The following IFNG-AS1 variants were observed in gnomAD, a reference collection of about 807,000 sequenced individuals.
IFNG-AS1 encodes IFNG antisense RNA 1 (non-protein coding).
At chr12:68,018,111 C>CCAGT (rs1257958224) in intron 3 of IFNG-AS1, among the ~76,000 whole-genome samples, 4 of 152,172 alleles carry the variant, frequency 2.6e-5, no homozygotes, top group African/African-American at 9.6e-5. Flanking sequence ...CCCATCCAAG[C>CCAGT]CAGTCATCTG....
At chr12:68,003,704 G>A (rs570623282) in intron 2 of IFNG-AS1, among the ~76,000 whole-genome samples, 1 of 152,238 alleles carries the variant, frequency 6.6e-6, no homozygotes, top group South Asian at 2.1e-4. Context: ...CACGAGGTCA[G>A]GAGATCGAGA....
chr12:68,020,993 C>G (rs561141212), intron 4 of IFNG-AS1: 1 of 152,282 alleles, frequency 6.6e-6, no homozygotes, highest in African/African-American at 2.4e-5. Flanking sequence ...GTTGTGCACA[C>G]TGGCAATTTT....
intron 1 of IFNG-AS1, among the ~76,000 whole-genome samples, chr12:67,995,348 G>A (rs1050998416): frequency 1.4e-5 from 2 of 147,268 alleles, no homozygotes; most frequent in East Asian, 2.0e-4. Context: ...TTGAACCCAG[G>A]AAGCGGAGGC....
At chr12:68,018,842 G>A (rs759172490) in intron 3 of IFNG-AS1, among the ~76,000 whole-genome samples, 14 of 151,166 alleles carry the variant, frequency 9.3e-5, no homozygotes, top group Non-Finnish European at 1.8e-4. Context: ...GACTTTGTGC[G>A]GAAGGTCCAA....
chr12:68,011,565 C>T (rs1434744950), intron 3 of IFNG-AS1, among the ~76,000 whole-genome samples: 2 of 152,190 alleles, frequency 1.3e-5, no homozygotes, highest in South Asian at 4.1e-4. Flanking sequence ...CCAGCAAATT[C>T]GAGCTCCCAA....
At chr12:67,993,265 C>T (rs1160765810) in intron 1 of IFNG-AS1, among the ~76,000 whole-genome samples, 1 of 152,164 alleles carries the variant, frequency 6.6e-6, no homozygotes, top group African/African-American at 2.4e-5. Context: ...TCATGATGTA[C>T]TTTCTTCTTT....
intron 1 of IFNG-AS1, among the ~76,000 whole-genome samples, chr12:67,991,903 A>G (rs182618148): frequency 2.0e-5 from 3 of 152,376 alleles, no homozygotes; most frequent in Admixed American, 1.3e-4. Flanking sequence ...TGAAATAATA[A>G]GTGTCCATAT....
chr12:68,013,267 C>T (rs760389014), intron 3 of IFNG-AS1, among the ~76,000 whole-genome samples: 1 of 152,164 alleles, frequency 6.6e-6, no homozygotes. Flanking sequence ...CAACCCTAGC[C>T]CCACTTCCTC....
intron 1 of IFNG-AS1, among the ~76,000 whole-genome samples, chr12:67,994,247 T>C (rs1006412203): frequency 1.3e-5 from 2 of 152,170 alleles, no homozygotes; most frequent in African/African-American, 4.8e-5. Context: ...TGGCCCTCAG[T>C]AGAGGGAGCT....
chr12:68,013,123 C>T (rs901245788), intron 3 of IFNG-AS1, among the ~76,000 whole-genome samples: 1 of 152,190 alleles, frequency 6.6e-6, no homozygotes, highest in Admixed American at 6.5e-5. Flanking sequence ...TTCAAAAACC[C>T]GTGAACCACT....
At chr12:68,006,488 A>C (rs781505476) in intron 3 of IFNG-AS1, among the ~76,000 whole-genome samples, 2 of 152,180 alleles carry the variant, frequency 1.3e-5, no homozygotes, top group African/African-American at 4.8e-5. Context: ...GGGATCAGAC[A>C]TACCCATTGC....
At chr12:67,990,606 T>G (rs1308716417) in intron 1 of IFNG-AS1, among the ~76,000 whole-genome samples, 1 of 152,156 alleles carries the variant, frequency 6.6e-6, no homozygotes, top group Admixed American at 6.5e-5. Flanking sequence ...TACTTTTTTT[T>G]TTTTTGAGAT....
At chr12:67,992,605 T>A (rs773187248) in intron 1 of IFNG-AS1, among the ~76,000 whole-genome samples, 1 of 152,238 alleles carries the variant, frequency 6.6e-6, no homozygotes, top group Non-Finnish European at 1.5e-5. Flanking sequence ...TTTTAATGTA[T>A]GTTTACATGC....
At chr12:67,998,364 T>C (rs539470408) in intron 2 of IFNG-AS1, among the ~76,000 whole-genome samples, 20 of 151,900 alleles carry the variant, frequency 1.3e-4, no homozygotes, top group Non-Finnish European at 2.7e-4. Flanking sequence ...AATAGGTTTT[T>C]CTTAAGTGAA....
intron 3 of IFNG-AS1, among the ~76,000 whole-genome samples, chr12:68,012,801 T>A (rs1938208306): frequency 6.6e-6 from 1 of 152,194 alleles, no homozygotes; most frequent in African/African-American, 2.4e-5. Flanking sequence ...TAGCGATGCA[T>A]AGAGTTCAGG....
At chr12:67,993,523 T>G (rs915776506) in intron 1 of IFNG-AS1, among the ~76,000 whole-genome samples, 32 of 152,228 alleles carry the variant, frequency 2.1e-4, no homozygotes, top group African/African-American at 7.2e-4. Flanking sequence ...TCTTTCAATC[T>G]ATTTCTCATC....
chr12:67,998,883 C>G (rs1028751687), intron 2 of IFNG-AS1, among the ~76,000 whole-genome samples: 1 of 152,116 alleles, frequency 6.6e-6, no homozygotes, highest in African/African-American at 2.4e-5. Flanking sequence ...AGTTTGCAAG[C>G]TCCCCAGCCC....
intron 3 of IFNG-AS1, among the ~76,000 whole-genome samples, chr12:68,012,246 A>G (rs931731583): frequency 6.6e-6 from 1 of 152,178 alleles, no homozygotes; most frequent in Non-Finnish European, 1.5e-5. Flanking sequence ...TACTAGGGAA[A>G]GCTTTTATCT....
intron 3 of IFNG-AS1, among the ~76,000 whole-genome samples, chr12:68,009,770 G>C (rs1879984423): frequency 6.6e-6 from 1 of 152,144 alleles, no homozygotes; most frequent in Middle Eastern, 3.2e-3. Flanking sequence ...TCCATCTGGT[G>C]GCTCCCCAAT....
Sources: allele counts gnomAD v4.1 joint callset (sites outside exome capture counted in the v4.1 genomes callset), GRCh38; gene constraint gnomAD v4.1.1; transcripts MANE v1.5; gene names NCBI Gene and HGNC (gene_info 2026-07-23, HGNC 2026-07-21).